CACNA2D3: variants seen among roughly 807,000 people sequenced by gnomAD.
The protein encoded by CACNA2D3 is voltage-dependent calcium channel subunit alpha-2/delta-3.
CACNA2D3 carries 60 observed loss-of-function variants against 160.6 expected under a neutral mutation model. The ratio of observed to expected loss-of-function variants is 0.37; its 90% CI spans 0.30 to 0.46. The LOEUF is 0.46. CACNA2D3 is among the 20% of genes least tolerant of loss of function. The probability of loss-of-function intolerance (pLI) is 1.00; values close to 1 mark genes in which losing one functional copy is unlikely to be tolerated. For missense variants in CACNA2D3, 1,205 were observed against 1,365.0 expected, an observed-to-expected ratio of 0.88 and a Z score of 1.85; for synonymous variants, 558 against 492.9, an observed-to-expected ratio of 1.13 and a Z score of -1.75.
intron 21 of CACNA2D3, among the ~76,000 whole-genome samples, chr3:54,883,878 G>A (rs199705577): frequency 1.1e-4 from 16 of 141,518 alleles, no homozygotes; most frequent in African/African-American, 3.9e-4. Context: ...CTTGTTCCAT[G>A]TTCTCTTTTC....
At chr3:54,537,493 G>C (rs1701907634) in intron 5 of CACNA2D3, among the ~76,000 whole-genome samples, 1 of 152,052 alleles carries the variant, frequency 6.6e-6, no homozygotes, top group East Asian at 1.9e-4. Flanking sequence ...TCATGCACTT[G>C]CAGGGAAACA....
At chr3:54,460,954 G>A (rs182066977) in intron 4 of CACNA2D3, among the ~76,000 whole-genome samples, 11,415 of 151,968 alleles carry the variant, frequency 0.075, 907 homozygotes, top group African/African-American at 0.2. Context: ...CGTCCCATCA[G>A]TACCTAATTT....
chr3:54,326,038 A>G (rs1297026217), intron 3 of CACNA2D3, among the ~76,000 whole-genome samples: 1 of 152,124 alleles, frequency 6.6e-6, no homozygotes, highest in Non-Finnish European at 1.5e-5. Flanking sequence ...TGTGGAACTG[A>G]TTCCCATTAT....
chr3:54,885,202 C>T (rs1286097614), intron 21 of CACNA2D3, 79 bp from the exon 22 acceptor site: 1 of 1,501,908 alleles, frequency 6.7e-7, no homozygotes, highest in Non-Finnish European at 9.3e-7. Context: ...CCCCGCAGCC[C>T]TACCCTAGAA....
intron 5 of CACNA2D3, among the ~76,000 whole-genome samples, chr3:54,519,129 T>C (rs1358090072): frequency 2.8e-4 from 4 of 14,382 alleles, no homozygotes; most frequent in Non-Finnish European, 5.1e-4. Context: ...GGGTGCCCTT[T>C]GGGGAGACAT....
chr3:54,591,715 C>G (rs1702864309), intron 9 of CACNA2D3, among the ~76,000 whole-genome samples: 8 of 152,108 alleles, frequency 5.3e-5, no homozygotes, highest in Admixed American at 5.2e-4. Context: ...GCAGTTCTCA[C>G]TGTCTCATTC....
rs190293983 is a variant in CACNA2D3, at chr3:55,069,452, A to G, written c.2988-3993A>G. Among the ~76,000 whole-genome samples the G allele has an allele frequency of 1.6e-3, 236 of 152,228 alleles. 1 individual carries two copies. The highest frequency in any genetic ancestry group is 2.7e-3 in the Non-Finnish European group (182 of 68,022). The stretch of plus-strand genomic sequence containing the variant: ...TTTGCATCATTTTCTTCATTAAGGC[A>G]TATGTTTTACTAGATTTATTCTTGG... On this transcript the variant is annotated intron_variant, in intron 35 of 37. Transcript: ENST00000474759.
chr3:54,350,773 C>T (rs1273818172), intron 3 of CACNA2D3, among the ~76,000 whole-genome samples: 1 of 152,046 alleles, frequency 6.6e-6, no homozygotes, highest in Non-Finnish European at 1.5e-5. Flanking sequence ...TTTTGTGGGA[C>T]ATGTGTTTTC....
At chr3:54,776,629 A>G (rs1175575174) in intron 13 of CACNA2D3, among the ~76,000 whole-genome samples, 1 of 152,212 alleles carries the variant, frequency 6.6e-6, no homozygotes, top group Non-Finnish European at 1.5e-5. Flanking sequence ...AGGAGTTGGC[A>G]TTTCTAGACC....
intron 2 of CACNA2D3, among the ~76,000 whole-genome samples, chr3:54,252,676 G>T (rs1205066983): frequency 6.6e-6 from 1 of 152,230 alleles, no homozygotes; most frequent in Admixed American, 6.5e-5. Context: ...TCTCCCCAGG[G>T]ACCAGCCGTA....
At chr3:54,252,819 G>T (rs1379950846) in intron 2 of CACNA2D3, among the ~76,000 whole-genome samples, 1 of 152,188 alleles carries the variant, frequency 6.6e-6, no homozygotes, top group Non-Finnish European at 1.5e-5. Context: ...CATGAGAGGG[G>T]TGTTGAGGCC....
At chr3:54,374,632 G>C (rs1258965991) in intron 3 of CACNA2D3, among the ~76,000 whole-genome samples, 1 of 152,118 alleles carries the variant, frequency 6.6e-6, no homozygotes, top group Non-Finnish European at 1.5e-5. Flanking sequence ...CTCCTTCTCT[G>C]GTTGTTGCTG....
intron 27 of CACNA2D3, among the ~76,000 whole-genome samples, chr3:54,960,038 T>A (rs1380697281): frequency 1.3e-5 from 2 of 151,320 alleles, no homozygotes; most frequent in Admixed American, 1.3e-4. Context: ...TTTACTCTAC[T>A]TTACCAAAGG....
At chr3:54,609,641 G>A (rs1393350326) in intron 9 of CACNA2D3, among the ~76,000 whole-genome samples, 1 of 152,022 alleles carries the variant, frequency 6.6e-6, no homozygotes, top group African/African-American at 2.4e-5. Context: ...GGGGTTTTGT[G>A]GTCAAAGAAA....
chr3:54,850,278 C>G (rs1699028402), intron 17 of CACNA2D3, among the ~76,000 whole-genome samples: 1 of 152,102 alleles, frequency 6.6e-6, no homozygotes, highest in African/African-American at 2.4e-5. Context: ...GGGGCTGCAG[C>G]ACAAGTGGGG....
At chr3:54,778,162 C>T (rs565827563) in intron 13 of CACNA2D3, among the ~76,000 whole-genome samples, 27 of 152,218 alleles carry the variant, frequency 1.8e-4, no homozygotes, top group African/African-American at 6.3e-4. Context: ...GAGTGGGGAG[C>T]TGCTACACAC....
intron 11 of CACNA2D3, among the ~76,000 whole-genome samples, chr3:54,712,203 C>A (rs1363148889): frequency 6.6e-6 from 1 of 152,164 alleles, no homozygotes; most frequent in Non-Finnish European, 1.5e-5. Context: ...TATGTTGTAA[C>A]AAATTACTAC....
chr3:54,847,603 T>C (rs909886876), intron 17 of CACNA2D3, among the ~76,000 whole-genome samples: 1 of 152,232 alleles, frequency 6.6e-6, no homozygotes, highest in Non-Finnish European at 1.5e-5. Context: ...GACCACATCA[T>C]GTGGATGCCA....
chr3:54,420,488 A>C (rs1165357000), intron 4 of CACNA2D3, among the ~76,000 whole-genome samples: 1 of 152,140 alleles, frequency 6.6e-6, no homozygotes, highest in African/African-American at 2.4e-5. Flanking sequence ...ATATGCCCCA[A>C]CTTCATCTGC....
Sources: gnomAD v4.1 joint callset for allele counts (sites outside exome capture counted in the v4.1 genomes callset) on GRCh38, gnomAD v4.1.1 for gene constraint, MANE v1.5 for transcripts, NCBI Gene and HGNC (gene_info 2026-07-23, HGNC 2026-07-21) for gene names.